Variants in BMP2K observed in about 807,000 individuals in gnomAD.
The protein encoded by BMP2K is BMP-2-inducible protein kinase.
A neutral mutation model predicts 116.0 loss-of-function variants in BMP2K; 74 were observed. The observed-to-expected ratio is 0.64, with a 90% CI of 0.53 to 0.77. The LOEUF is 0.77. Ranked by LOEUF, BMP2K falls within the 30% of genes least tolerant of loss-of-function variation. BMP2K has a pLI of 0.00. For missense variants in BMP2K, 1,365 were observed against 1,403.6 expected (o/e 0.97, Z 0.44); for synonymous variants, 486 against 502.5 (o/e 0.97, Z 0.44).
At position 78,914,915 on chromosome 4, in the gene BMP2K, G is replaced by A. The variant is rs1327216627; in HGVS notation, c.*2882G>A. On this transcript the variant is annotated 3_prime_UTR_variant, in exon 16 of 16. Transcript: ENST00000502613. The stretch of plus-strand genomic sequence containing the variant: ...AGCTTTAATAATGCTTGTTGATTTT[G>A]AATAATCCTTTAAAAAGTGGACCAT... The A allele has an allele frequency of 1.3e-5, 2 of 151,758 alleles. No homozygotes were observed. The highest frequency in any genetic ancestry group is 2.9e-5 in the Non-Finnish European group (2 of 67,850). The allele number at this position is 151,758 out of a possible 1,614,324, so 9.4% of individuals were successfully genotyped here.
At chr4:78,783,401 G>A (rs1727597706) in intron 1 of BMP2K, among the ~76,000 whole-genome samples, 1 of 152,140 alleles carries the variant, frequency 6.6e-6, no homozygotes, top group Non-Finnish European at 1.5e-5. Context: ...TCCTCTAGAG[G>A]TAGTAGTTTT....
chr4:78,851,746 A>G (rs958938948), intron 7 of BMP2K, among the ~76,000 whole-genome samples: 4 of 152,164 alleles, frequency 2.6e-5, no homozygotes, highest in African/African-American at 9.6e-5. Context: ...CTAAAATTGC[A>G]GATAAATCAA....
chr4:78,837,447 G>A (rs566575575), intron 3 of BMP2K, among the ~76,000 whole-genome samples: 90 of 152,094 alleles, frequency 5.9e-4, no homozygotes, highest in African/African-American at 1.1e-3. Context: ...CACCTGCCTC[G>A]GCCTCCTAGA....
At position 78,872,801 on chromosome 4, in the gene BMP2K, A is replaced by G. The variant is rs990392265; in HGVS notation, c.1793+3A>G. The G allele has an allele frequency of 6.2e-7, 1 of 1,611,316 alleles. No individual in the cohort carries two copies. The highest frequency in any genetic ancestry group is 8.5e-7 in the Non-Finnish European group (1 of 1,178,282). On this transcript the variant is annotated splice_donor_region_variant and intron_variant, in intron 13 of 15. Coordinates refer to ENST00000502613, the MANE Select transcript of BMP2K (RefSeq NM_198892.2). Reference sequence around the variant, plus strand: ...GACTCCTCCTATAGTGCCAATAGGCAAGTATTTTTCCAGTGAAAGCAAAGG... The same window carrying G: ...GACTCCTCCTATAGTGCCAATAGGCGAGTATTTTTCCAGTGAAAGCAAAGG...
At chr4:78,878,444 A>G (rs1034693724) in intron 13 of BMP2K, among the ~76,000 whole-genome samples, 1 of 152,150 alleles carries the variant, frequency 6.6e-6, no homozygotes, top group African/African-American at 2.4e-5. Context: ...GGTGGATACT[A>G]TTACTCCTTT....
In BMP2K at chr4:78,911,876, G is replaced by C; in HGVS notation, c.3329G>C (p.Gly1110Ala). 1 of 1,613,890 alleles carries C rather than the reference G, an allele frequency of 6.2e-7. No homozygotes were observed. The highest frequency in any genetic ancestry group is 8.5e-7 in the Non-Finnish European group (1 of 1,179,860). ...CGGCCAAGACAAAATTCACTACATG[G>C]GTCATTCCATAGTGCAGATGTATTG... ...PGRPRQNSLH[G>A]SFHSADVLKM... The change falls in exon 16 of 16, where the codon GGG (glycine) becomes GCG (alanine). Residue 1110 changes from glycine to alanine, a missense_variant. Physicochemically the swap from Gly to Ala is moderately conservative, Grantham distance 60. Coordinates refer to ENST00000502613, the MANE Select transcript of BMP2K (RefSeq NM_198892.2).
chr4:78,863,572 G>A (rs1417030444), intron 9 of BMP2K, among the ~76,000 whole-genome samples: 1 of 152,150 alleles, frequency 6.6e-6, no homozygotes, highest in East Asian at 1.9e-4. Context: ...GCAGGAGAGT[G>A]TGAGTCTGAG....
intron 3 of BMP2K, among the ~76,000 whole-genome samples, chr4:78,841,573 A>AT (rs545800899): frequency 2.8e-4 from 43 of 152,092 alleles, no homozygotes; most frequent in African/African-American, 7.0e-4. Context: ...CCTAGATGAG[A>AT]TTTTTTTGAA....
At chr4:78,786,452 T>TG (rs1560498714) in intron 1 of BMP2K, among the ~76,000 whole-genome samples, 2 of 146,256 alleles carry the variant, frequency 1.4e-5, no homozygotes, top group African/African-American at 2.6e-5. Context: ...TGTGTGTGTG[T>TG]TTTGAGACAC....
intron 1 of BMP2K, among the ~76,000 whole-genome samples, chr4:78,811,842 CCCT>C: frequency 6.6e-6 from 1 of 152,188 alleles, no homozygotes; most frequent in Admixed American, 6.5e-5. Flanking sequence ...CCCATATTTT[CCCT>C]CCTCCATCAA....
chr4:78,887,396 A>G, intron 15 of BMP2K, 112 bp downstream of exon 15: 3 of 774,160 alleles, frequency 3.9e-6, no homozygotes, highest in Non-Finnish European at 6.5e-6. Context: ...CAGAAAGTAG[A>G]AAATATTTTA....
At chr4:78,804,647 T>C (rs748400785) in intron 1 of BMP2K, among the ~76,000 whole-genome samples, 1 of 152,136 alleles carries the variant, frequency 6.6e-6, no homozygotes, top group Non-Finnish European at 1.5e-5. Context: ...TATCTCATTA[T>C]GGTTTTGATT....
intron 14 of BMP2K, among the ~76,000 whole-genome samples, chr4:78,881,759 A>G (rs904197949): frequency 6.6e-6 from 1 of 152,080 alleles, no homozygotes; most frequent in Non-Finnish European, 1.5e-5. Flanking sequence ...AAACTTTCTT[A>G]AAGTTTAATG....
At chr4:78,885,273 AG>A (rs1458210317) in intron 14 of BMP2K, among the ~76,000 whole-genome samples, 3 of 152,212 alleles carry the variant, frequency 2.0e-5, no homozygotes, top group Non-Finnish European at 4.4e-5. Context: ...GTTGTCATAA[AG>A]GTTTTGAAAG....
chr4:78,878,608 T>C, intron 13 of BMP2K, 126 bp from the exon 14 acceptor site: 1 of 789,354 alleles, frequency 1.3e-6, no homozygotes, highest in Non-Finnish European at 2.0e-6. Flanking sequence ...TTGTCTGTCA[T>C]CTCTGTCATA....
intron 7 of BMP2K, among the ~76,000 whole-genome samples, chr4:78,855,496 C>G (rs79214362): frequency 0.028 from 4,195 of 152,158 alleles, 219 homozygotes; most frequent in African/African-American, 0.096. Context: ...ATGGATCCTT[C>G]GTTTTGTGTA....
chr4:78,844,083 TAA>T (rs1053279481), intron 4 of BMP2K, among the ~76,000 whole-genome samples: 1 of 151,806 alleles, frequency 6.6e-6, no homozygotes, highest in African/African-American at 2.4e-5. Flanking sequence ...ATCATAAAAA[TAA>T]AAGACATTAT....
chr4:78,832,695 A>T (rs1173255906), intron 2 of BMP2K, among the ~76,000 whole-genome samples: 1 of 152,078 alleles, frequency 6.6e-6, no homozygotes, highest in Non-Finnish European at 1.5e-5. Flanking sequence ...GAGAGATATG[A>T]TGTATAAGGA....
chr4:78,839,345 G>A (rs1730643377), intron 3 of BMP2K, among the ~76,000 whole-genome samples: 1 of 152,162 alleles, frequency 6.6e-6, no homozygotes. Flanking sequence ...AGCATATGAG[G>A]CCTCTTAAGG....
Sources: gnomAD v4.1 joint callset for allele counts (sites outside exome capture counted in the v4.1 genomes callset) on GRCh38, gnomAD v4.1.1 for gene constraint, MANE v1.5 for transcripts, NCBI Gene and HGNC (gene_info 2026-07-23, HGNC 2026-07-21) for gene names.